NFE2L2: variants seen among roughly 807,000 people sequenced by gnomAD.
NFE2L2 encodes NFE2 like bZIP transcription factor 2, also known as nuclear factor erythroid 2-related factor 2.
In NFE2L2, 20 loss-of-function variants were observed where a neutral mutation model predicts 49.6. The observed-to-expected ratio is 0.40, with a 90% CI of 0.28 to 0.59. The LOEUF (loss-of-function observed/expected upper bound fraction) is 0.59. NFE2L2 is among the 20% of genes least tolerant of loss of function. The pLI is 0.40. For synonymous variants in NFE2L2, 244 were observed against 256.5 expected, an observed-to-expected ratio of 0.95 and a Z score of 0.47; for missense variants, 578 against 714.2, an observed-to-expected ratio of 0.81 and a Z score of 2.17.
chr2:177,231,994 T>C lies in NFE2L2; in HGVS notation c.609A>G (p.Glu203=). The change falls in exon 5 of 5, where the codon GAA becomes GAG. Residue 203 remains glutamate, a synonymous_variant. Transcript: ENST00000397062. ...SIPELQCLNI[E]NDKLVETTMV... is the part of the protein sequence containing the mutation. ...TGGTAGTCTCAACCAGCTTGTCATT[T>C]TCAATATTAAGACACTGCATGAGAA... The C allele has an allele frequency of 6.2e-7, 1 of 1,608,006 alleles. No homozygotes were observed. The highest frequency in any genetic ancestry group is 8.5e-7 in the Non-Finnish European group (1 of 1,177,090).
intron 1 of NFE2L2, among the ~76,000 whole-genome samples, chr2:177,247,910 C>T (rs1690193843): frequency 6.6e-6 from 1 of 152,124 alleles, no homozygotes; most frequent in South Asian, 2.1e-4. Context: ...AACACTCAAA[C>T]GTGACAGGCA....
intron 3 of NFE2L2, 23 bp from the exon 4 acceptor site, chr2:177,232,606 TTA>T: frequency 6.2e-7 from 1 of 1,609,110 alleles, no homozygotes; most frequent in Non-Finnish European, 8.5e-7. Context: ...AGGCATTGAT[TTA>T]TGAGTCTTCC....
At chr2:177,237,888 G>A (rs1227301773) in intron 1 of NFE2L2, among the ~76,000 whole-genome samples, 1 of 152,176 alleles carries the variant, frequency 6.6e-6, no homozygotes, top group Non-Finnish European at 1.5e-5. Flanking sequence ...ACATAGCAGG[G>A]TATCCTGTCT....
At chr2:177,258,292 C>A (rs1034711485) in intron 1 of NFE2L2, among the ~76,000 whole-genome samples, 1 of 152,112 alleles carries the variant, frequency 6.6e-6, no homozygotes, top group African/African-American at 2.4e-5. Flanking sequence ...ATTTTTAAAC[C>A]TTGAAAACAT....
At position 177,231,289 on chromosome 2, in the gene NFE2L2, T is replaced by C; in HGVS notation, c.1314A>G (p.Lys438=). 6.2e-7 allele frequency: 1 copy of C among 1,614,256 alleles called. No homozygotes were observed. Among genetic ancestry groups the C allele is most frequent in the Non-Finnish European group, 8.5e-7 (1 of 1,180,046 alleles). ...KELPVSPGHR[K]TPFTKDKHSS... ...AATGTTTGTCTTTTGTGAATGGGGT[T>C]TTCCGATGACCAGGACTTACAGGCA... The change falls in exon 5 of 5, where the codon AAA becomes AAG. Residue 438 remains lysine (K), a synonymous_variant. Transcript: ENST00000397062.
At chr2:177,232,093 A>T in intron 4 of NFE2L2, 85 bp from the exon 5 acceptor site, 1 of 1,280,490 alleles carries the variant, frequency 7.8e-7, no homozygotes, top group South Asian at 1.5e-5. Context: ...CCCTACCCAC[A>T]TTATCTTCAG....
At chr2:177,255,864 G>A (rs1690499243) in intron 1 of NFE2L2, 2 of 151,928 alleles carry the variant, frequency 1.3e-5, no homozygotes, top group Admixed American at 1.3e-4. Context: ...CCTGGCCTAC[G>A]GTTGTTTTTT....
At chr2:177,244,821 G>A (rs1026444357) in intron 1 of NFE2L2, among the ~76,000 whole-genome samples, 1 of 151,766 alleles carries the variant, frequency 6.6e-6, no homozygotes, top group Non-Finnish European at 1.5e-5. Context: ...CCTGGCTAAC[G>A]GTGAAACCCC....
intron 1 of NFE2L2, among the ~76,000 whole-genome samples, chr2:177,250,082 T>C (rs184136380): frequency 2.0e-3 from 312 of 152,314 alleles, no homozygotes; most frequent in Admixed American, 4.8e-3. Context: ...CAATTATTTG[T>C]AAAAGCTACT....
intron 1 of NFE2L2, among the ~76,000 whole-genome samples, chr2:177,257,331 G>A (rs910268522): frequency 1.3e-5 from 2 of 152,118 alleles, no homozygotes; most frequent in Non-Finnish European, 2.9e-5. Context: ...GTTATCACAG[G>A]CCACATTCCT....
Position 177,231,271 on chromosome 2 carries a change from G to A in NFE2L2, c.1332C>T (p.Asp444=), listed in dbSNP as rs759855393. 6.2e-7 allele frequency: 1 copy of A among 1,614,196 alleles called. No homozygotes were observed. Among genetic ancestry groups the A allele is most frequent in the Non-Finnish European group, 8.5e-7 (1 of 1,180,032 alleles). The part of the protein sequence containing the change: ...PGHRKTPFTK[D]KHSSRLEAHL... Reference sequence around the variant, plus strand: ...GAGCCTCCAAGCGGCTTGAATGTTTGTCTTTTGTGAATGGGGTTTTCCGAT... The same window carrying A: ...GAGCCTCCAAGCGGCTTGAATGTTTATCTTTTGTGAATGGGGTTTTCCGAT... Residue 444 remains aspartate (D), a synonymous_variant, in exon 5 of 5, where the codon GAC becomes GAT. Transcript: ENST00000397062.
chr2:177,253,796 A>G (rs1443102963), intron 1 of NFE2L2, among the ~76,000 whole-genome samples: 1 of 152,242 alleles, frequency 6.6e-6, no homozygotes, highest in Admixed American at 6.5e-5. Flanking sequence ...AGAACTATTA[A>G]CACTCACCCC....
intron 1 of NFE2L2, among the ~76,000 whole-genome samples, chr2:177,249,091 G>A (rs990878500): frequency 7.2e-5 from 11 of 151,976 alleles, no homozygotes; most frequent in Admixed American, 3.9e-4. Flanking sequence ...GTGGTGGCGC[G>A]TACCTGTGGC....
At chr2:177,232,200 A>AGATC (rs1574258030) in intron 4 of NFE2L2, 192 bp from the exon 5 acceptor site, 1 of 887,882 alleles carries the variant, frequency 1.1e-6, no homozygotes, top group Non-Finnish European at 1.7e-6. Context: ...CAGAGTTCCC[A>AGATC]GATCAGACGT....
In NFE2L2 at chr2:177,232,688, C is replaced by A. The variant is rs539642868; in HGVS notation, c.403-105G>T. 8 of 1,110,356 alleles carry A rather than the reference C, an allele frequency of 7.2e-6. No individual in the cohort carries two copies. The African/African-American group carries it at 1.1e-4, about 15-fold the overall frequency. 68.8% of individuals were successfully genotyped at this position (1,110,356 alleles called of 1,614,324 possible). ...AATGGAATCAGCTGCAGTTCTGTGT[C>A]TCTCTACTTACTAACCAGTCATGAC... On this transcript the variant is annotated intron_variant, in intron 3 of 4. Transcript: ENST00000397062.
rs538375703 is a variant in NFE2L2, at chr2:177,255,744, G to A, written c.45+8788C>T. On this transcript the variant is annotated intron_variant, in intron 1 of 4. Coordinates refer to ENST00000397062, the MANE Select transcript of NFE2L2 (RefSeq NM_006164.5). Reference sequence around the variant, plus strand: ...CCAGCTAATTTTTTTAATTTTTTGAGGAGACAGTGTCTCAATATGTTGCCC... The same window carrying A: ...CCAGCTAATTTTTTTAATTTTTTGAAGAGACAGTGTCTCAATATGTTGCCC... 2.6e-5 allele frequency among the ~76,000 whole-genome samples: 4 copies of A among 151,890 alleles called. No homozygotes were observed. The South Asian group carries it at 8.3e-4, about 32-fold the overall frequency.
intron 1 of NFE2L2, among the ~76,000 whole-genome samples, chr2:177,238,224 A>G (rs1394567754): frequency 6.6e-6 from 1 of 152,238 alleles, no homozygotes; most frequent in Non-Finnish European, 1.5e-5. Context: ...GATAAAAATC[A>G]GTAAAAGGTT....
In NFE2L2 at chr2:177,245,593, G is replaced by A. The variant is rs1224917191; in HGVS notation, c.46-11322C>T. ...TGAGCCTCACTACAGTAGCATGAGG[G>A]AGTTGGGCCAGGTATTGTAGTCTTT... is the stretch of plus-strand genomic sequence containing the variant. On this transcript the variant is annotated intron_variant, in intron 1 of 4. Transcript: ENST00000397062. 6.6e-5 allele frequency among the ~76,000 whole-genome samples: 10 copies of A among 151,894 alleles called. No homozygotes were observed. In the East Asian group the frequency reaches 1.9e-3, roughly 29 times the overall value.
chr2:177,237,376 G>A (rs1454744419), intron 1 of NFE2L2, among the ~76,000 whole-genome samples: 1 of 152,178 alleles, frequency 6.6e-6, no homozygotes, highest in Non-Finnish European at 1.5e-5. Flanking sequence ...ACTATACATG[G>A]CTATCTTCTC....
Sources: allele counts gnomAD v4.1 joint callset (sites outside exome capture counted in the v4.1 genomes callset), GRCh38; gene constraint gnomAD v4.1.1; transcripts MANE v1.5; gene names NCBI Gene and HGNC (gene_info 2026-07-23, HGNC 2026-07-21).